TMPRSS11F: variants seen among roughly 807,000 people sequenced by gnomAD.
TMPRSS11F encodes transmembrane serine protease 11F.
A neutral mutation model predicts 60.2 loss-of-function variants in TMPRSS11F; 47 were observed. The observed-to-expected ratio is 0.78, with a 90% CI of 0.62 to 1.00. The LOEUF (loss-of-function observed/expected upper bound fraction) is 1.00, where lower values mean the gene tolerates loss of function less well. Among genes scored for constraint, TMPRSS11F ranks in the 50% least tolerant of loss-of-function variants. The pLI is 0.00. For missense variants in TMPRSS11F, 519 were observed against 522.9 expected (o/e 0.99, Z 0.07); for synonymous variants, 166 against 167.3 (o/e 0.99, Z 0.06).
rs1437775438 is a variant in TMPRSS11F at position 68,098,894 on chromosome 4, A to G, written c.156T>C (p.Val52=). 1.2e-6 allele frequency: 2 copies of G among 1,610,452 alleles called. No individual in the cohort carries two copies. Among genetic ancestry groups the G allele is most frequent in the Non-Finnish European group, 1.7e-6 (2 of 1,178,416 alleles). ...TGTGACCTGGATACTTACCCTCAAC[A>G]ACAAAATGAGTAACAATACCAATTG... The part of the protein sequence containing the change: ...GIAIGIVTHF[V]VEDDKSFYYL... Residue 52 remains valine (V), a synonymous_variant, in exon 2 of 10, where the codon GTT becomes GTC. Coordinates refer to ENST00000356291, the MANE Select transcript of TMPRSS11F (RefSeq NM_207407.2).
At chr4:68,061,382 G>T (rs1397680354) in intron 8 of TMPRSS11F, among the ~76,000 whole-genome samples, 1 of 152,290 alleles carries the variant, frequency 6.6e-6, no homozygotes, top group Admixed American at 6.5e-5. Context: ...AACTTTATCC[G>T]TAAATTTCAT....
At chr4:68,072,974 C>G (rs148103532) in intron 4 of TMPRSS11F, among the ~76,000 whole-genome samples, 1 of 152,116 alleles carries the variant, frequency 6.6e-6, no homozygotes, top group Admixed American at 6.5e-5. Context: ...CTGAGGTTTA[C>G]TGAAACTTTC....
chr4:68,057,833 T>C (rs534683099), intron 9 of TMPRSS11F, among the ~76,000 whole-genome samples: 2 of 128,304 alleles, frequency 1.6e-5, no homozygotes, highest in African/African-American at 5.1e-5. Context: ...TTCATCAATG[T>C]GTGAAGAGAT....
chr4:68,085,534 C>T (rs1319940965), intron 3 of TMPRSS11F, among the ~76,000 whole-genome samples: 1 of 152,136 alleles, frequency 6.6e-6, no homozygotes, highest in African/African-American at 2.4e-5. Flanking sequence ...ATCTACAAAA[C>T]AATCAGCTAA....
At chr4:68,073,672 C>CGG (rs55649925) in intron 4 of TMPRSS11F, among the ~76,000 whole-genome samples, 12 of 151,954 alleles carry the variant, frequency 7.9e-5, no homozygotes, top group South Asian at 2.1e-4. Context: ...GCTTAAGAGA[C>CGG]GGGGGGAAGA....
chr4:68,066,968 T>C (rs533897086), intron 7 of TMPRSS11F, among the ~76,000 whole-genome samples: 63 of 151,836 alleles, frequency 4.1e-4, no homozygotes, highest in African/African-American at 1.3e-3. Flanking sequence ...ATGTGAATAA[T>C]GCAATATTGT....
Position 68,100,503 on chromosome 4 carries a change from T to A in TMPRSS11F, c.12-1465A>T, listed in dbSNP as rs139588988. Among the ~76,000 whole-genome samples, 669 of 152,026 alleles carry A rather than the reference T, an allele frequency of 4.4e-3. 5 individuals carry two copies. In the South Asian group the frequency reaches 0.045, roughly 10 times the overall value. On this transcript the variant is annotated intron_variant, in intron 1 of 9. Coordinates refer to ENST00000356291, the MANE Select transcript of TMPRSS11F (RefSeq NM_207407.2). ...AATGGGGTGGAGAGGAGGCGATGGA[T>A]TTAGTTGTAGTTCTTGAACTTTGTT...
intron 3 of TMPRSS11F, among the ~76,000 whole-genome samples, chr4:68,085,291 AT>A (rs1723789912): frequency 6.6e-6 from 1 of 151,354 alleles, no homozygotes; most frequent in South Asian, 2.1e-4. Context: ...CTAGTTCTAG[AT>A]CCCTGAGGAA....
chr4:68,111,100 G>A lies in TMPRSS11F; in HGVS notation c.12-12062C>T, dbSNP rs144785044. 2.0e-5 allele frequency among the ~76,000 whole-genome samples: 3 copies of A among 152,198 alleles called. No homozygotes were observed. The East Asian group carries it at 5.8e-4, about 29-fold the overall frequency. Reference sequence around the variant, plus strand: ...ACAAATTCCATATGGCATTAAGCATGATGATGTAACATAACTAAATCTCAG... The same window carrying A: ...ACAAATTCCATATGGCATTAAGCATAATGATGTAACATAACTAAATCTCAG... On this transcript the variant is annotated intron_variant, in intron 1 of 9. Transcript: ENST00000356291.
intron 2 of TMPRSS11F, among the ~76,000 whole-genome samples, chr4:68,097,293 C>T (rs1241346021): frequency 6.6e-6 from 1 of 152,162 alleles, no homozygotes; most frequent in Admixed American, 6.5e-5. Context: ...AAGCTAAAAT[C>T]AAAAAGTTGG....
At chr4:68,079,720 C>T (rs923237913) in intron 3 of TMPRSS11F, among the ~76,000 whole-genome samples, 8 of 152,066 alleles carry the variant, frequency 5.3e-5, no homozygotes, top group African/African-American at 1.7e-4. Flanking sequence ...AGAGATTATT[C>T]TATATGAAAC....
At chr4:68,114,875 T>C (rs1724483105) in intron 1 of TMPRSS11F, among the ~76,000 whole-genome samples, 1 of 150,390 alleles carries the variant, frequency 6.6e-6, no homozygotes, top group Admixed American at 6.7e-5. Context: ...CCAATCAGTA[T>C]AACTCATAGT....
At position 68,053,555 on chromosome 4, in the gene TMPRSS11F, T is replaced by C. The variant is rs1722983250; in HGVS notation, c.*354A>G. On this transcript the variant is annotated 3_prime_UTR_variant, in exon 10 of 10. Transcript: ENST00000356291. ...AATCTCACATGCTCCAGGTATTATA[T>C]GAGGTAAGATTTTGGCATTACTGGC... 1.2e-5 allele frequency: 2 copies of C among 169,872 alleles called. No individual in the cohort carries two copies. Among genetic ancestry groups the C allele is most frequent in the Admixed American group, 6.3e-5 (1 of 15,880 alleles). The allele number at this position is 169,872 out of a possible 1,614,324, so 10.5% of individuals were successfully genotyped here.
chr4:68,083,032 C>A (rs927203444), intron 3 of TMPRSS11F, among the ~76,000 whole-genome samples: 25 of 152,334 alleles, frequency 1.6e-4, no homozygotes, highest in African/African-American at 5.8e-4. Flanking sequence ...GCAGGCCCCA[C>A]AGCTATCTGA....
chr4:68,122,120 A>G (rs866720715), intron 1 of TMPRSS11F, among the ~76,000 whole-genome samples: 1 of 152,212 alleles, frequency 6.6e-6, no homozygotes, highest in South Asian at 2.1e-4. Context: ...CAAGATGTTT[A>G]AAAAGATATA....
chr4:68,108,484 C>T (rs946899582), intron 1 of TMPRSS11F, among the ~76,000 whole-genome samples: 2 of 152,158 alleles, frequency 1.3e-5, no homozygotes, highest in African/African-American at 2.4e-5. Context: ...GAATTTCACA[C>T]GGACTACAGT....
intron 1 of TMPRSS11F, among the ~76,000 whole-genome samples, chr4:68,120,376 C>T (rs996556611): frequency 2.6e-4 from 32 of 123,786 alleles, no homozygotes; most frequent in African/African-American, 1.0e-3. Context: ...ACAGAGAAAT[C>T]TTTTTTTTTT....
At chr4:68,106,333 C>A (rs1724301814) in intron 1 of TMPRSS11F, among the ~76,000 whole-genome samples, 1 of 152,078 alleles carries the variant, frequency 6.6e-6, no homozygotes, top group African/African-American at 2.4e-5. Flanking sequence ...CAACGGGAGA[C>A]AGATAGTAAA....
At position 68,090,412 on chromosome 4, in the gene TMPRSS11F, T is replaced by A. The variant is rs1308440959; in HGVS notation, c.282+111A>T. ...CAACTGTATGACTTACATACTATAGTATCTCCATTATGCAAAAGAAGAAAT... is the reference window on the plus strand; with the variant it reads ...CAACTGTATGACTTACATACTATAGAATCTCCATTATGCAAAAGAAGAAAT... On this transcript the variant is annotated intron_variant, in intron 3 of 9. Coordinates refer to ENST00000356291, the MANE Select transcript of TMPRSS11F (RefSeq NM_207407.2). The A allele has an allele frequency of 5.0e-6, 7 of 1,401,680 alleles. No individual in the cohort carries two copies. The Admixed American group carries it at 2.0e-4, about 41-fold the overall frequency. 86.8% of individuals were successfully genotyped at this position (1,401,680 alleles called of 1,614,324 possible).
Sources: gnomAD v4.1 joint callset for allele counts (sites outside exome capture counted in the v4.1 genomes callset) on GRCh38, gnomAD v4.1.1 for gene constraint, MANE v1.5 for transcripts, NCBI Gene and HGNC (gene_info 2026-07-23, HGNC 2026-07-21) for gene names.